Variants in ZNF503 observed in about 807,000 individuals in gnomAD.
ZNF503 encodes NocA-like zinc finger 2.
In ZNF503, 15 loss-of-function variants were observed where a neutral mutation model predicts 34.4. That is an observed-to-expected ratio of 0.44 (90% CI 0.29 to 0.67). ZNF503 has a LOEUF of 0.67. Ranked by LOEUF, ZNF503 falls within the 30% of genes least tolerant of loss-of-function variation. ZNF503 has a pLI of 0.13. For missense variants in ZNF503, 1,007 were observed against 926.8 expected, an observed-to-expected ratio of 1.09 and a Z score of -1.12; for synonymous variants, 580 against 456.8, an observed-to-expected ratio of 1.27 and a Z score of -3.44.
chr10:75,333,639 C>T, the ZNF503 span, among the ~76,000 whole-genome samples: 1 of 49,660 alleles, frequency 2.0e-5, no homozygotes, highest in Non-Finnish European at 3.7e-5. Flanking sequence ...GGGGGGCTGA[C>T]CCCCCCACCT....
At chr10:75,389,151 A>C in the ZNF503 span, among the ~76,000 whole-genome samples, 1 of 152,174 alleles carries the variant, frequency 6.6e-6, no homozygotes, top group Non-Finnish European at 1.5e-5. Context: ...TGAAAGAAAA[A>C]TGGCAGAGAT....
At chr10:75,379,486 C>T in the ZNF503 span, among the ~76,000 whole-genome samples, 1 of 152,216 alleles carries the variant, frequency 6.6e-6, no homozygotes, top group Non-Finnish European at 1.5e-5. Flanking sequence ...GCTTCATTAC[C>T]ACAATCACAA....
the ZNF503 span, among the ~76,000 whole-genome samples, chr10:75,374,312 A>G: frequency 6.6e-6 from 1 of 152,094 alleles, no homozygotes; most frequent in Non-Finnish European, 1.5e-5. Context: ...CAACAACAAC[A>G]AAAAAACAAA....
Position 75,401,433 on chromosome 10 carries a change from G to T in ZNF503, c.-14C>A. ...CGCTGTGCTCATGACCCACCCGCGC[G>T]CATGGGAGCAGCGGGGGGGAGGGCT... On this transcript the variant is annotated 5_prime_UTR_variant, in exon 1 of 2. Transcript: ENST00000372524. 1 of 1,531,790 alleles carries T rather than the reference G, an allele frequency of 6.5e-7. No individual in the cohort carries two copies. Among genetic ancestry groups the T allele is most frequent in the African/African-American group, 1.4e-5 (1 of 71,980 alleles). The allele number at this position is 1,531,790 out of a possible 1,614,324, so 94.9% of individuals were successfully genotyped here. A position where few individuals can be genotyped will look rare whatever the true frequency, so the allele number is the denominator to read the frequency against.
At chr10:75,364,899 G>T in the ZNF503 span, among the ~76,000 whole-genome samples, 1 of 152,220 alleles carries the variant, frequency 6.6e-6, no homozygotes. Flanking sequence ...GGGCAGATTG[G>T]CCAGGCTCAG....
chr10:75,304,054 G>A, the ZNF503 span, among the ~76,000 whole-genome samples: 2 of 152,060 alleles, frequency 1.3e-5, no homozygotes, highest in African/African-American at 2.4e-5. Context: ...GGCTGGTCTC[G>A]AACTCCTGGT....
chr10:75,321,716 G>C, the ZNF503 span, among the ~76,000 whole-genome samples: 1 of 152,184 alleles, frequency 6.6e-6, no homozygotes, highest in East Asian at 1.9e-4. Context: ...TGGAAGAAAT[G>C]TCTAAGCAGT....
chr10:75,314,083 C>T, the ZNF503 span, among the ~76,000 whole-genome samples: 2 of 151,954 alleles, frequency 1.3e-5, 1 homozygote, highest in South Asian at 4.2e-4. Context: ...ATTCCAGTAA[C>T]CAACCTCAAA....
At chr10:75,287,278 T>G in the ZNF503 span, among the ~76,000 whole-genome samples, 3 of 152,006 alleles carry the variant, frequency 2.0e-5, no homozygotes, top group African/African-American at 2.4e-5. Flanking sequence ...CTCAGGGAGA[T>G]TGTAATGCTC....
chr10:75,300,109 C>T, the ZNF503 span, among the ~76,000 whole-genome samples: 11 of 152,296 alleles, frequency 7.2e-5, no homozygotes, highest in Middle Eastern at 6.8e-3. Flanking sequence ...AAGACTGGCA[C>T]ACCCAAGGGG....
At chr10:75,334,839 C>T in the ZNF503 span, among the ~76,000 whole-genome samples, 1 of 152,180 alleles carries the variant, frequency 6.6e-6, no homozygotes, top group South Asian at 2.1e-4. Flanking sequence ...GTGTGCAAAT[C>T]TGCAAATTAC....
the ZNF503 span, chr10:75,298,869 C>T: frequency 6.6e-6 from 1 of 151,896 alleles, no homozygotes; most frequent in African/African-American, 2.4e-5. Flanking sequence ...AGCAATCCAC[C>T]TGCCTTGGCT....
chr10:75,318,691 A>G, the ZNF503 span, among the ~76,000 whole-genome samples: 2 of 151,728 alleles, frequency 1.3e-5, no homozygotes, highest in Non-Finnish European at 2.9e-5. Context: ...AAAAAAAGTA[A>G]GATAATTTGT....
At chr10:75,280,193 A>G in the ZNF503 span, 32 of 152,394 alleles carry the variant, frequency 2.1e-4, no homozygotes, top group African/African-American at 6.7e-4. Flanking sequence ...TACATCCCCA[A>G]TGGCCCATCA....
the ZNF503 span, among the ~76,000 whole-genome samples, chr10:75,344,144 G>T: frequency 6.6e-6 from 1 of 152,266 alleles, no homozygotes; most frequent in Non-Finnish European, 1.5e-5. Flanking sequence ...TTGGGGCTCA[G>T]GGGAAATCAG....
the ZNF503 span, among the ~76,000 whole-genome samples, chr10:75,333,064 G>A: frequency 5.5e-5 from 8 of 145,290 alleles, no homozygotes; most frequent in Non-Finnish European, 1.1e-4. Flanking sequence ...GGGCAGAGGC[G>A]CCCCTCACCT....
In ZNF503 at chr10:75,398,833, C is replaced by G. The variant is rs1252826993; in HGVS notation, c.1857G>C (p.Val619=). ...AGTAGTACGGTCCGGTGGCGGCGGGCACCGGCACGGGGGCGCCAGGCGTGG... is the reference window on the plus strand; with the variant it reads ...AGTAGTACGGTCCGGTGGCGGCGGGGACCGGCACGGGGGCGCCAGGCGTGG... The part of the protein sequence containing the change: ...PLPTPGAPVP[V]PAATGPYYSP... The change falls in exon 2 of 2, where the codon GTG becomes GTC. Residue 619 remains valine, a synonymous_variant. Coordinates refer to ENST00000372524, the MANE Select transcript of ZNF503 (RefSeq NM_032772.6). The G allele has an allele frequency of 2.7e-6, 4 of 1,500,186 alleles. No individual in the cohort carries two copies. In the Admixed American group the frequency reaches 7.1e-5, roughly 27 times the overall value. The allele number at this position is 1,500,186 out of a possible 1,614,324, so 92.9% of individuals were successfully genotyped here. A position where few individuals can be genotyped will look rare whatever the true frequency, so the allele number is the denominator to read the frequency against.
Position 75,398,874 on chromosome 10 carries a change from A to G in ZNF503, c.1816T>C (p.Ser606Pro), listed in dbSNP as rs1843739951. ...CCAGGCGTGGGAAGCGGGCTCTTGG[A>G]GTAGGGGTGGTAGCGGCTGCTGAGT... is the stretch of plus-strand genomic sequence containing the variant. Reference protein sequence around the residue: ...LGLSSRYHPYSKSPLPTPGAP... With the variant: ...LGLSSRYHPYPKSPLPTPGAP... The change falls in exon 2 of 2, where the codon TCC becomes CCC. Residue 606 changes from serine (S) to proline (P), a missense_variant. Transcript: ENST00000372524. The G allele has an allele frequency of 2.4e-5, 37 of 1,527,218 alleles. No individual in the cohort carries two copies. Among genetic ancestry groups the G allele is most frequent in the Non-Finnish European group, 3.2e-5 (37 of 1,141,196 alleles). The allele number at this position is 1,527,218 out of a possible 1,614,324, so 94.6% of individuals were successfully genotyped here. A position where few individuals can be genotyped will look rare whatever the true frequency, so the allele number is the denominator to read the frequency against.
chr10:75,328,598 T>C, the ZNF503 span, among the ~76,000 whole-genome samples: 8 of 152,142 alleles, frequency 5.3e-5, no homozygotes, highest in East Asian at 1.5e-3. Context: ...TGCGGTTCCA[T>C]ACAAGTTTTA....
Sources: gnomAD v4.1 joint callset for allele counts (sites outside exome capture counted in the v4.1 genomes callset) on GRCh38, gnomAD v4.1.1 for gene constraint, MANE v1.5 for transcripts, NCBI Gene and HGNC (gene_info 2026-07-23, HGNC 2026-07-21) for gene names.